The following EWSR1 variants were observed in gnomAD, a reference collection of about 807,000 sequenced individuals.
The protein encoded by EWSR1 is RNA-binding protein EWS.
In EWSR1, 14 loss-of-function variants were observed where a neutral mutation model predicts 92.1. That is an observed-to-expected ratio of 0.15 (90% confidence interval 0.10 to 0.24). EWSR1 has a LOEUF of 0.24. Among genes scored for constraint, EWSR1 ranks in the 10% least tolerant of loss-of-function variants. The probability of loss-of-function intolerance (pLI) is 1.00; values close to 1 mark genes in which losing one functional copy is unlikely to be tolerated. For synonymous variants in EWSR1, 303 were observed against 292.9 expected (o/e 1.03, Z -0.35); for missense variants, 637 against 870.9 (o/e 0.73, Z 3.38).
At chr22:29,273,633 T>G in intron 3 of EWSR1, 108 bp from the exon 4 acceptor site, 1 of 1,288,428 alleles carries the variant, frequency 7.8e-7, no homozygotes, top group East Asian at 2.4e-5. Flanking sequence ...TTTTTTAATC[T>G]TCTAGAAAGG....
Position 29,282,377 on chromosome 22 carries a change from T to C in EWSR1, c.414-13T>C. The C allele has an allele frequency of 3.9e-6, 6 of 1,537,610 alleles. No homozygotes were observed. The highest frequency in any genetic ancestry group is 5.2e-6 in the Non-Finnish European group (6 of 1,148,920). ...AGTCACTTTTTAATTTTATTTATTA[T>C]TTCTCCTCTTAGACCGCAGGATGGA... On this transcript the variant is annotated splice_polypyrimidine_tract_variant and intron_variant, in intron 5 of 16. Coordinates refer to ENST00000397938, the MANE Select transcript of EWSR1 (RefSeq NM_005243.4).
At chr22:29,273,586 T>C (rs939312555) in intron 3 of EWSR1, among the ~76,000 whole-genome samples, 155 bp from the exon 4 acceptor site, 1 of 152,238 alleles carries the variant, frequency 6.6e-6, no homozygotes, top group Non-Finnish European at 1.5e-5. Context: ...TTCATGATAC[T>C]GTGATTATTT....
intron 11 of EWSR1, 39 bp from the exon 12 acceptor site, chr22:29,296,200 A>G: frequency 1.9e-6 from 3 of 1,590,168 alleles, no homozygotes; most frequent in Non-Finnish European, 2.6e-6. Context: ...CCAAATTAGT[A>G]TATTCTAGTC....
At chr22:29,282,845 C>T (rs2059716642) in intron 6 of EWSR1, among the ~76,000 whole-genome samples, 1 of 151,556 alleles carries the variant, frequency 6.6e-6, no homozygotes, top group African/African-American at 2.4e-5. Context: ...TCACTGCAAG[C>T]TCCACCTCCT....
intron 1 of EWSR1, among the ~76,000 whole-genome samples, chr22:29,269,059 C>A (rs1361295210): frequency 6.6e-6 from 1 of 152,194 alleles, no homozygotes; most frequent in Non-Finnish European, 1.5e-5. Context: ...CACGTCCTCC[C>A]CTCCCCCAAA....
intron 16 of EWSR1, 46 bp downstream of exon 16, chr22:29,299,897 A>G: frequency 6.5e-7 from 1 of 1,531,328 alleles, no homozygotes; most frequent in Non-Finnish European, 8.8e-7. Context: ...GCACAGTAAG[A>G]GGACAGCCCT....
In EWSR1 at chr22:29,275,087, A is replaced by C. The variant is rs2058999684; in HGVS notation, c.226+1223A>C. On this transcript the variant is annotated intron_variant, in intron 4 of 16. Transcript: ENST00000397938. ...CCTAACCTCTTCTAGGGTGTTTCTC[A>C]AATAGGATGGGAAATGTTTATCTAA... Among the ~76,000 whole-genome samples, 4 of 152,206 alleles carry C rather than the reference A, an allele frequency of 2.6e-5. No individual in the cohort carries two copies. The South Asian group carries it at 8.3e-4, about 32-fold the overall frequency.
Position 29,296,300 on chromosome 22 carries a change from C to T in EWSR1, c.1226C>T (p.Pro409Leu). 6.2e-7 allele frequency: 1 copy of T among 1,614,136 alleles called. No individual in the cohort carries two copies. Among genetic ancestry groups the T allele is most frequent in the Non-Finnish European group, 8.5e-7 (1 of 1,179,996 alleles). ...HIYLDKETGK[P>L]KGDATVSYED... is the part of the protein sequence containing the mutation. Reference sequence around the variant, plus strand: ...TACCTGGACAAGGAAACAGGAAAGCCCAAAGGCGATGCCACAGTGTCCTAT... The same window carrying T: ...TACCTGGACAAGGAAACAGGAAAGCTCAAAGGCGATGCCACAGTGTCCTAT... Residue 409 changes from proline (P) to leucine (L), a missense_variant, in exon 12 of 17, where the codon CCC (proline) becomes CTC (leucine). By Grantham distance (98) the Pro-to-Leu change is moderately conservative. Coordinates refer to ENST00000397938, the MANE Select transcript of EWSR1 (RefSeq NM_005243.4).
chr22:29,292,663 A>AACCAC, intron 11 of EWSR1, 57 bp downstream of exon 11: 1 of 1,151,762 alleles, frequency 8.7e-7, no homozygotes, highest in Non-Finnish European at 1.3e-6. Context: ...GAGCATTTTA[A>AACCAC]AGAGATTGAA....
intron 12 of EWSR1, among the ~76,000 whole-genome samples, chr22:29,297,230 A>AACCTCC (rs1187590774): frequency 6.6e-6 from 1 of 152,102 alleles, no homozygotes; most frequent in Non-Finnish European, 1.5e-5. Context: ...AGCTTACTGC[A>AACCTCC]ACCTCCACCT....
rs200423555 is a variant in EWSR1, at chr22:29,300,175, G to A, written c.*14G>A. Reference sequence around the variant, plus strand: ...CGGCCCTACTAGATGCAGAGACCCCGCAGAGCTGCATTGACTACCAGATTT... The same window carrying A: ...CGGCCCTACTAGATGCAGAGACCCCACAGAGCTGCATTGACTACCAGATTT... On this transcript the variant is annotated 3_prime_UTR_variant, in exon 17 of 17. Coordinates refer to ENST00000397938, the MANE Select transcript of EWSR1 (RefSeq NM_005243.4). The A allele has an allele frequency of 7.1e-5, 114 of 1,606,152 alleles. No homozygotes were observed. The highest frequency in any genetic ancestry group is 2.0e-4 in the East Asian group (9 of 44,710).
At position 29,272,366 on chromosome 22, in the gene EWSR1, T is replaced by G; in HGVS notation, c.51-14T>G. On this transcript the variant is annotated splice_polypyrimidine_tract_variant and intron_variant, in intron 2 of 16. Transcript: ENST00000397938. ...TGTTCTCTATTCAAGTTATTGCATTTAATTCTTTTGCAGCTACAGTGCTTA... is the reference window on the plus strand; with the variant it reads ...TGTTCTCTATTCAAGTTATTGCATTGAATTCTTTTGCAGCTACAGTGCTTA... 1 of 1,614,024 alleles carries G rather than the reference T, an allele frequency of 6.2e-7. No individual in the cohort carries two copies. The highest frequency in any genetic ancestry group is 8.5e-7 in the Non-Finnish European group (1 of 1,179,960).
chr22:29,299,645 A>G lies in EWSR1; in HGVS notation c.1725A>G (p.Arg575=), dbSNP rs770158019. 1.4e-5 allele frequency: 22 copies of G among 1,609,222 alleles called. No homozygotes were observed. The South Asian group carries it at 2.1e-4, about 15-fold the overall frequency. Residue 575 remains arginine, a synonymous_variant, in exon 16 of 17, where the codon AGA becomes AGG. Transcript: ENST00000397938. ...RGGPGGMRGG[R]GGLMDRGGPG... is the part of the protein sequence containing the mutation. ...GCCCTGGTGGCATGCGGGGAGGAAG[A>G]GGTGGCCTCATGGATCGTGGTGGTC... is the stretch of plus-strand genomic sequence containing the variant.
At chr22:29,293,649 C>G (rs966110387) in intron 11 of EWSR1, among the ~76,000 whole-genome samples, 1 of 152,216 alleles carries the variant, frequency 6.6e-6, no homozygotes, top group Admixed American at 6.5e-5. Flanking sequence ...ACTGCAGCCT[C>G]TGGCTCCTGG....
chr22:29,288,042 TAGAAA>T (rs1012133339), intron 7 of EWSR1, among the ~76,000 whole-genome samples: 6 of 152,130 alleles, frequency 3.9e-5, no homozygotes, highest in Admixed American at 2.6e-4. Context: ...TTTAAGAAAA[TAGAAA>T]AGGAAAGGGG....
At chr22:29,288,069 C>A (rs1003275663) in intron 7 of EWSR1, among the ~76,000 whole-genome samples, 1 of 152,304 alleles carries the variant, frequency 6.6e-6, no homozygotes, top group Admixed American at 6.5e-5. Context: ...AAAAATAATC[C>A]TCCTCACAGA....
At chr22:29,293,385 T>G (rs1172097822) in intron 11 of EWSR1, among the ~76,000 whole-genome samples, 1 of 152,224 alleles carries the variant, frequency 6.6e-6, no homozygotes, top group East Asian at 1.9e-4. Flanking sequence ...TTGACTGTTT[T>G]TCAGTTCTTG....
intron 13 of EWSR1, 96 bp from the exon 14 acceptor site, chr22:29,298,637 G>A (rs111409600): frequency 5.8e-4 from 830 of 1,435,934 alleles, no homozygotes; most frequent in Non-Finnish European, 7.4e-4. Flanking sequence ...AATGACAGCA[G>A]TAGTATCTGT....
intron 4 of EWSR1, chr22:29,275,634 A>C (rs538858257): frequency 4.3e-6 from 1 of 229,952 alleles, no homozygotes; most frequent in Non-Finnish European, 8.6e-6. Flanking sequence ...GGGTTCAAGC[A>C]CACATGCTGC....
Sources: gnomAD v4.1 joint callset for allele counts (sites outside exome capture counted in the v4.1 genomes callset) on GRCh38, gnomAD v4.1.1 for gene constraint, MANE v1.5 for transcripts, NCBI Gene and HGNC (gene_info 2026-07-23, HGNC 2026-07-21) for gene names.